The following BCAS3 variants were observed in gnomAD, a reference collection of about 807,000 sequenced individuals.
BCAS3 encodes the protein BCAS3 microtubule associated cell migration factor, also known as BCAS4/BCAS3 fusion.
In BCAS3, 53 loss-of-function variants were observed where a neutral mutation model predicts 116.1. The observed-to-expected ratio is 0.46, with a 90% CI of 0.37 to 0.57. The LOEUF (loss-of-function observed/expected upper bound fraction) is 0.57. Among genes scored for constraint, BCAS3 ranks in the 20% least tolerant of loss-of-function variants. The pLI, the probability that BCAS3 is intolerant of heterozygous loss-of-function variation, is 0.00. For synonymous variants in BCAS3, 391 were observed against 408.2 expected, an observed-to-expected ratio of 0.96 and a Z score of 0.51; for missense variants, 917 against 1,165.4, an observed-to-expected ratio of 0.79 and a Z score of 3.10.
intron 14 of BCAS3, among the ~76,000 whole-genome samples, chr17:60,989,479 G>GT (rs11314373): frequency 0.022 from 2,984 of 135,126 alleles, 43 homozygotes; most frequent in East Asian, 0.041. Context: ...AAATAAAGTT[G>GT]TTTTTTTTTT....
intron 22 of BCAS3, among the ~76,000 whole-genome samples, chr17:61,090,098 A>G (rs1164069755): frequency 6.6e-6 from 1 of 152,176 alleles, no homozygotes; most frequent in Non-Finnish European, 1.5e-5. Flanking sequence ...TCATTCTCCT[A>G]CCATGCCATT....
At chr17:61,242,862 C>A (rs936898837) in intron 22 of BCAS3, among the ~76,000 whole-genome samples, 24 of 151,350 alleles carry the variant, frequency 1.6e-4, no homozygotes, top group East Asian at 3.9e-4. Flanking sequence ...AACAAAAAAA[C>A]CCAAAAAACT....
rs1016965115 is a variant in BCAS3, at chr17:60,921,630, A to C, written c.994-2777A>C. 5.6e-5 allele frequency among the ~76,000 whole-genome samples: 8 copies of C among 143,374 alleles called. No individual in the cohort carries two copies. In the South Asian group the frequency reaches 1.3e-3, roughly 22 times the overall value. The allele number at this position is 143,374 out of a possible 152,430, so 94.1% of individuals were successfully genotyped here. On this transcript the variant is annotated intron_variant, in intron 12 of 23. Transcript: ENST00000407086. ...TCCGTCTCAAAAAAAAAAAAAAAAA[A>C]AAAAAACATTGACCACACATGGACA...
intron 22 of BCAS3, among the ~76,000 whole-genome samples, chr17:61,303,422 T>C (rs2053604565): frequency 6.6e-6 from 1 of 152,172 alleles, no homozygotes; most frequent in Non-Finnish European, 1.5e-5. Context: ...CACCGAGCAA[T>C]TAGTGCTGTA....
Position 60,947,306 on chromosome 17 carries a change from C to G in BCAS3, c.1175C>G (p.Ala392Gly), listed in dbSNP as rs1348021512. 1 of 1,613,604 alleles carries G rather than the reference C, an allele frequency of 6.2e-7. No homozygotes were observed. Among genetic ancestry groups the G allele is most frequent in the Non-Finnish European group, 8.5e-7 (1 of 1,179,594 alleles). The change falls in exon 14 of 24, where the codon GCT becomes GGT. Residue 392 changes from alanine to glycine, a missense_variant. Physicochemically the swap from Ala to Gly is moderately conservative, Grantham distance 60. This residue lies in a region of BCAS3 where 807 missense variants were observed against 1,026.0 expected (regional missense o/e 0.79). Coordinates refer to ENST00000407086, the MANE Select transcript of BCAS3 (RefSeq NM_017679.5). ...LTHPWSSSQC[A>G]VHHLYTLHRG... ...CATCCTTGGTCCTCATCACAATGTG[C>G]TGTCCACCATCTGTATACTCTTCAC... is the stretch of plus-strand genomic sequence containing the variant.
intron 22 of BCAS3, among the ~76,000 whole-genome samples, chr17:61,290,664 T>G (rs2052297338): frequency 6.6e-6 from 1 of 152,216 alleles, no homozygotes; most frequent in Non-Finnish European, 1.5e-5. Context: ...TATTCCTTTA[T>G]AGTCAAATGC....
chr17:61,085,155 C>T (rs564694483), intron 22 of BCAS3, among the ~76,000 whole-genome samples: 9 of 152,254 alleles, frequency 5.9e-5, no homozygotes, highest in Admixed American at 1.3e-4. Context: ...TATTATAAAA[C>T]TTTTCAGCCA....
At position 61,158,896 on chromosome 17, in the gene BCAS3, A is replaced by C. The variant is rs181315217; in HGVS notation, c.2425+74332A>C. Among the ~76,000 whole-genome samples, 419 of 152,336 alleles carry C rather than the reference A, an allele frequency of 2.8e-3. 3 individuals carry two copies. The highest frequency in any genetic ancestry group is 0.017 in the Middle Eastern group (5 of 294). On this transcript the variant is annotated intron_variant, in intron 22 of 23. Coordinates refer to ENST00000407086, the MANE Select transcript of BCAS3 (RefSeq NM_017679.5). ...TTTGATTAGAAGTTCATGTTTTGTC[A>C]GAAATAGATCCTTTTTGTTATATAA...
chr17:61,231,946 C>T (rs2144439549), intron 22 of BCAS3, among the ~76,000 whole-genome samples: 1 of 150,352 alleles, frequency 6.7e-6, no homozygotes, highest in African/African-American at 2.4e-5. Flanking sequence ...GTGGCTCATG[C>T]CTGTAATCCC....
chr17:60,744,954 C>T (rs2041905809), intron 5 of BCAS3, among the ~76,000 whole-genome samples: 1 of 152,050 alleles, frequency 6.6e-6, no homozygotes, highest in Non-Finnish European at 1.5e-5. Context: ...TCAGAATAAG[C>T]TCTTGTGTAT....
intron 15 of BCAS3, among the ~76,000 whole-genome samples, chr17:61,002,382 T>C (rs1415861151): frequency 6.6e-6 from 1 of 152,094 alleles, no homozygotes; most frequent in Admixed American, 6.6e-5. Context: ...TTTCTATGTA[T>C]TTTTTACATG....
At position 61,084,032 on chromosome 17, in the gene BCAS3, A is replaced by T. The variant is rs985880134; in HGVS notation, c.2328-435A>T. Among the ~76,000 whole-genome samples, 2 of 152,196 alleles carry T rather than the reference A, an allele frequency of 1.3e-5. No individual in the cohort carries two copies. The highest frequency in any genetic ancestry group is 4.8e-5 in the African/African-American group (2 of 41,458). ...ATGGAGCATCTCAAAATTTGAAATT[A>T]CACATTGCTGCCTTTTATGGAACAC... is the stretch of plus-strand genomic sequence containing the variant. On this transcript the variant is annotated intron_variant, in intron 21 of 23. Transcript: ENST00000407086. The surrounding 1 kb of genome is among the most constrained non-coding windows in gnomAD (Gnocchi z 5.5).
At chr17:61,129,541 G>T (rs772812440) in intron 22 of BCAS3, among the ~76,000 whole-genome samples, 1 of 152,334 alleles carries the variant, frequency 6.6e-6, no homozygotes, top group East Asian at 1.9e-4. Flanking sequence ...TGGTGGGTGG[G>T]TATTTGTCAG....
intron 10 of BCAS3, among the ~76,000 whole-genome samples, chr17:60,898,425 G>C (rs1215299188): frequency 6.6e-6 from 1 of 152,068 alleles, no homozygotes; most frequent in Non-Finnish European, 1.5e-5. Context: ...TCTTGATTCT[G>C]GGTGTGTGCG....
chr17:61,062,563 A>G (rs908768748), intron 19 of BCAS3, among the ~76,000 whole-genome samples: 26 of 152,352 alleles, frequency 1.7e-4, no homozygotes, highest in African/African-American at 5.8e-4. Context: ...TGTGAGTTCT[A>G]GTAGAACACA....
At chr17:60,925,598 T>C (rs2059326777) in intron 13 of BCAS3, among the ~76,000 whole-genome samples, 1 of 152,180 alleles carries the variant, frequency 6.6e-6, no homozygotes, top group African/African-American at 2.4e-5. Flanking sequence ...CTTAATTCTG[T>C]CCTGGTCTCT....
At chr17:60,894,811 T>C (rs900494816) in intron 10 of BCAS3, among the ~76,000 whole-genome samples, 5 of 152,238 alleles carry the variant, frequency 3.3e-5, no homozygotes, top group African/African-American at 7.2e-5. Flanking sequence ...TTTTCTTGTA[T>C]CTATTGAGAT....
In BCAS3 at chr17:60,910,713, CT is replaced by C; in HGVS notation, c.993+15del. 3.1e-6 allele frequency: 5 copies of C among 1,596,348 alleles called. No individual in the cohort carries two copies. Among genetic ancestry groups the C allele is most frequent in the African/African-American group, 1.4e-5 (1 of 73,992 alleles). The stretch of plus-strand genomic sequence containing the variant: ...GTTGGAGAGGGCCAGGTAAGAAGAA[CT>C]TTTGGTGCGTACCATGTGTGTTACT... On this transcript the variant is annotated intron_variant, in intron 12 of 23. Transcript: ENST00000407086.
At chr17:60,966,629 A>T (rs1030046379) in intron 14 of BCAS3, among the ~76,000 whole-genome samples, 3 of 151,794 alleles carry the variant, frequency 2.0e-5, no homozygotes, top group African/African-American at 7.3e-5. Flanking sequence ...AAGAACATGT[A>T]AAAAAAATTT....
Sources: gnomAD v4.1 joint callset for allele counts (sites outside exome capture counted in the v4.1 genomes callset) on GRCh38, gnomAD v4.1.1 for gene constraint, gnomAD v4.1.1 regional missense constraint, Gnocchi (gnomAD v3.1) non-coding constraint, MANE v1.5 for transcripts, NCBI Gene and HGNC (gene_info 2026-07-23, HGNC 2026-07-21) for gene names.